Variants in PDGFRL observed in about 807,000 individuals in gnomAD.
The protein encoded by PDGFRL is platelet derived growth factor receptor like, also known as platelet-derived growth factor receptor-like protein.
Under a neutral mutation model 37.2 loss-of-function variants are expected in PDGFRL, and 46 were observed. That is an observed-to-expected ratio of 1.24 (90% CI 0.98 to 1.58). The LOEUF (loss-of-function observed/expected upper bound fraction) is 1.58, where lower values mean the gene tolerates loss of function less well. Among genes scored for constraint, PDGFRL ranks in the 40% most tolerant of loss-of-function variants. The probability of loss-of-function intolerance (pLI) is 0.00; values close to 1 mark genes in which losing one functional copy is unlikely to be tolerated. For missense variants in PDGFRL, 692 were observed against 467.6 expected (o/e 1.48, Z -4.43); for synonymous variants, 251 against 184.3 (o/e 1.36, Z -2.93).
At chr8:17,632,769 C>G (rs1222771455) in intron 4 of PDGFRL, among the ~76,000 whole-genome samples, 2 of 152,142 alleles carry the variant, frequency 1.3e-5, no homozygotes, top group African/African-American at 2.4e-5. Context: ...ACTCCTCCCT[C>G]CCCTCCTCTC....
chr8:17,597,341 A>G (rs1804075363), intron 2 of PDGFRL, among the ~76,000 whole-genome samples: 1 of 152,194 alleles, frequency 6.6e-6, no homozygotes, highest in African/African-American at 2.4e-5. Context: ...GTTATAACCA[A>G]TATTGTTGGC....
chr8:17,639,950 A>G (rs999095799), intron 5 of PDGFRL, among the ~76,000 whole-genome samples: 1 of 152,206 alleles, frequency 6.6e-6, no homozygotes, highest in Admixed American at 6.5e-5. Flanking sequence ...AATCCCAAAC[A>G]TCTTGGAGGC....
chr8:17,617,421 G>A (rs1461898392), intron 2 of PDGFRL, among the ~76,000 whole-genome samples: 1 of 152,162 alleles, frequency 6.6e-6, no homozygotes, highest in East Asian at 1.9e-4. Context: ...ACACAGAAAG[G>A]AAGGGTCTTT....
upstream of PDGFRL, chr8:17,577,017 T>C: frequency 1.7e-6 from 1 of 581,324 alleles, no homozygotes; most frequent in Non-Finnish European, 2.9e-6. Flanking sequence ...CTCCCCGCGC[T>C]GGGAAGAAGT....
Position 17,621,325 on chromosome 8 carries a change from C to G in PDGFRL, c.505+123C>G, listed in dbSNP as rs1193919683. The stretch of plus-strand genomic sequence containing the variant: ...ATCAGAGCACTTCCTGTTTGCCAGG[C>G]TCTGGGCTAAATGCTTTACATCAGT... On this transcript the variant is annotated intron_variant, in intron 3 of 5. Coordinates refer to ENST00000251630, the MANE Select transcript of PDGFRL (RefSeq NM_001372073.1). 6.7e-6 allele frequency: 4 copies of G among 592,770 alleles called. No homozygotes were observed. In the Admixed American group the frequency reaches 1.3e-4, roughly 19 times the overall value. The allele number at this position is 592,770 out of a possible 1,614,324, so 36.7% of individuals were successfully genotyped here.
chr8:17,594,836 T>G (rs1375909452), intron 2 of PDGFRL, among the ~76,000 whole-genome samples: 3 of 152,216 alleles, frequency 2.0e-5, no homozygotes, highest in Non-Finnish European at 2.9e-5. Context: ...CCACTGTGCC[T>G]GGCCTAGACT....
chr8:17,604,590 TG>T (rs1189854026), intron 2 of PDGFRL, among the ~76,000 whole-genome samples: 1 of 148,592 alleles, frequency 6.7e-6, no homozygotes. Context: ...TGTTGTGGGG[TG>T]GGGGGATGGG....
chr8:17,580,237 A>C (rs1803677109), intron 1 of PDGFRL, among the ~76,000 whole-genome samples: 1 of 152,160 alleles, frequency 6.6e-6, no homozygotes, highest in South Asian at 2.1e-4. Context: ...ATATAGCCAG[A>C]TCTCTAAGAA....
At chr8:17,625,093 A>G (rs1192029239) in intron 3 of PDGFRL, among the ~76,000 whole-genome samples, 1 of 149,986 alleles carries the variant, frequency 6.7e-6, no homozygotes, top group African/African-American at 2.5e-5. Flanking sequence ...GCACCCATTA[A>G]CTCGTCATTT....
chr8:17,619,885 A>C (rs749082139), intron 2 of PDGFRL, among the ~76,000 whole-genome samples: 15 of 152,166 alleles, frequency 9.9e-5, no homozygotes, highest in Non-Finnish European at 1.6e-4. Context: ...CAAGAAGAGG[A>C]ATTCTCTTTG....
intron 1 of PDGFRL, among the ~76,000 whole-genome samples, chr8:17,586,275 A>G (rs1467379664): frequency 1.3e-5 from 2 of 152,036 alleles, no homozygotes; most frequent in African/African-American, 4.8e-5. Context: ...TTTGACCAAC[A>G]TCTCCTCACC....
intron 1 of PDGFRL, among the ~76,000 whole-genome samples, chr8:17,578,490 A>G (rs1251296607): frequency 6.6e-6 from 1 of 152,228 alleles, no homozygotes; most frequent in Admixed American, 6.5e-5. Flanking sequence ...AGTAACACTT[A>G]ACTCTGCCCA....
At chr8:17,603,096 C>T (rs983527558) in intron 2 of PDGFRL, among the ~76,000 whole-genome samples, 11 of 152,182 alleles carry the variant, frequency 7.2e-5, no homozygotes, top group African/African-American at 2.4e-4. Flanking sequence ...GACTCTCATG[C>T]CTCAGCCTCT....
intron 2 of PDGFRL, among the ~76,000 whole-genome samples, chr8:17,619,276 G>C (rs983437545): frequency 1.3e-5 from 2 of 152,314 alleles, no homozygotes; most frequent in East Asian, 3.9e-4. Flanking sequence ...GGAACCTCCA[G>C]TGTGAGGATG....
intron 2 of PDGFRL, among the ~76,000 whole-genome samples, chr8:17,599,609 G>T (rs1444146928): frequency 6.6e-6 from 1 of 152,174 alleles, no homozygotes; most frequent in Non-Finnish European, 1.5e-5. Flanking sequence ...CGTACAGCTC[G>T]CCACGTGGCC....
chr8:17,614,053 G>C (rs1804475090), intron 2 of PDGFRL, among the ~76,000 whole-genome samples: 1 of 152,182 alleles, frequency 6.6e-6, no homozygotes, highest in Non-Finnish European at 1.5e-5. Context: ...ATGATAGATA[G>C]ATAGTAGATG....
intron 3 of PDGFRL, among the ~76,000 whole-genome samples, chr8:17,622,059 C>G (rs1050979291): frequency 6.6e-6 from 1 of 152,178 alleles, no homozygotes; most frequent in Non-Finnish European, 1.5e-5. Flanking sequence ...GTCCCTGTCC[C>G]TAAGCCTCAG....
At chr8:17,587,343 G>C (rs897828686) in intron 1 of PDGFRL, among the ~76,000 whole-genome samples, 10 of 152,126 alleles carry the variant, frequency 6.6e-5, no homozygotes, top group African/African-American at 2.4e-4. Context: ...AGCTTAGAAG[G>C]ATCAGACAAG....
At chr8:17,601,570 T>C (rs1291551669) in intron 2 of PDGFRL, among the ~76,000 whole-genome samples, 2 of 152,014 alleles carry the variant, frequency 1.3e-5, no homozygotes, top group Non-Finnish European at 2.9e-5. Context: ...ATTATCCAGG[T>C]AATAAGCTTA....
Sources: allele counts gnomAD v4.1 joint callset (sites outside exome capture counted in the v4.1 genomes callset), GRCh38; gene constraint gnomAD v4.1.1; transcripts MANE v1.5; gene names NCBI Gene and HGNC (gene_info 2026-07-23, HGNC 2026-07-21).